Variants in AGRN observed in about 807,000 individuals in gnomAD.
AGRN encodes the protein agrin, also known as agrin proteoglycan.
Under a neutral mutation model 211.0 loss-of-function variants are expected in AGRN, and 106 were observed. The ratio of observed to expected loss-of-function variants is 0.50; its 90% CI spans 0.43 to 0.59. AGRN has a LOEUF of 0.59. AGRN is among the 20% of genes least tolerant of loss of function. The pLI, the probability that AGRN is intolerant of heterozygous loss-of-function variation, is 0.00. For missense variants in AGRN, 3,040 were observed against 2,982.6 expected, an observed-to-expected ratio of 1.02 and a Z score of -0.45; for synonymous variants, 1,525 against 1,332.5, an observed-to-expected ratio of 1.14 and a Z score of -3.15.
intron 1 of AGRN, among the ~76,000 whole-genome samples, chr1:1,020,950 G>A (rs1411513559): frequency 1.3e-5 from 2 of 151,590 alleles, no homozygotes; most frequent in African/African-American, 4.8e-5. Context: ...CGGGAACCGG[G>A]GCTCCCCACC....
chr1:1,044,847 G>A (rs1259370302), intron 12 of AGRN, among the ~76,000 whole-genome samples: 4 of 152,232 alleles, frequency 2.6e-5, no homozygotes, highest in African/African-American at 7.2e-5. Context: ...GGGTGAGAAC[G>A]CATGCTGACG....
rs1035065186 is a variant in AGRN, at chr1:1,052,195, A to G, written c.5651+380A>G. 4.2e-6 allele frequency: 3 copies of G among 711,322 alleles called. No individual in the cohort carries two copies. The African/African-American group carries it at 5.4e-5, about 13-fold the overall frequency. 44.1% of individuals were successfully genotyped at this position (711,322 alleles called of 1,614,324 possible). On this transcript the variant is annotated intron_variant, in intron 33 of 35. Coordinates refer to ENST00000379370, the MANE Select transcript of AGRN (RefSeq NM_198576.4). ...CCTCAGAAGTGCAGTCGCCCCTCCC[A>G]GGGCACAGGCCGAGGGTCGCCCCAC...
At chr1:1,045,034 G>A (rs1369260328) in intron 12 of AGRN, 127 bp from the exon 13 acceptor site, 5 of 1,006,992 alleles carry the variant, frequency 5.0e-6, no homozygotes, top group Non-Finnish European at 7.8e-6. Context: ...AGGCTCCCGG[G>A]CTCCTCTGGG....
chr1:1,023,977 C>T (rs903079619), intron 2 of AGRN, among the ~76,000 whole-genome samples: 22 of 152,260 alleles, frequency 1.4e-4, no homozygotes, highest in African/African-American at 5.3e-4. Flanking sequence ...CCGGGAGGGG[C>T]TGTGGCCACC....
rs548833305 is a variant in AGRN, at chr1:1,034,319, C to A, written c.464-958C>A. ...GTCCCTCCTCCGCCTACCTCGGAGCCCACATTTGGGATTTCTACTCCGGGA... is the reference window on the plus strand; with the variant it reads ...GTCCCTCCTCCGCCTACCTCGGAGCACACATTTGGGATTTCTACTCCGGGA... On this transcript the variant is annotated intron_variant, in intron 2 of 35. Transcript: ENST00000379370. The A allele has an allele frequency of 1.3e-4, 125 of 985,482 alleles. No individual in the cohort carries two copies. The East Asian group carries it at 7.9e-3, about 63-fold the overall frequency. The allele number at this position is 985,482 out of a possible 1,614,324, so 61.0% of individuals were successfully genotyped here.
chr1:1,046,764 G>C lies in AGRN; in HGVS notation c.3250+29G>C, dbSNP rs764223012. ...AGCAGGGATCAAGGACTTGGGGTGG[G>C]TGGGCAGGCGCCGAGAGGCTCCACC... is the stretch of plus-strand genomic sequence containing the variant. On this transcript the variant is annotated intron_variant, in intron 18 of 35. Transcript: ENST00000379370. 7.0e-6 allele frequency: 11 copies of C among 1,573,510 alleles called. No individual in the cohort carries two copies. The East Asian group carries it at 2.1e-4, about 29-fold the overall frequency.
chr1:1,041,469 G>C lies in AGRN; in HGVS notation c.953-9G>C, dbSNP rs1432299364. ...CGACAGCGTCCTGACTCCTGCCCTC[G>C]ACCCCCAGACCCCTGTCAGGGCGCC... On this transcript the variant is annotated splice_polypyrimidine_tract_variant and intron_variant, in intron 5 of 35. Transcript: ENST00000379370. 1 of 1,586,364 alleles carries C rather than the reference G, an allele frequency of 6.3e-7. No individual in the cohort carries two copies. Among genetic ancestry groups the C allele is most frequent in the Non-Finnish European group, 8.5e-7 (1 of 1,173,844 alleles).
rs544557398 is a variant in AGRN, at chr1:1,048,504, C to G, written c.4105+139C>G. ...GCGGGGTTTCGGCCAGATGCGGTGG[C>G]TCACGCCTGTAATCCCAGCACTTTG... On this transcript the variant is annotated intron_variant, in intron 23 of 35. Transcript: ENST00000379370. The surrounding 1 kb of genome is among the most constrained non-coding windows in gnomAD (Gnocchi z 5.9). 9.0e-4 allele frequency: 694 copies of G among 768,714 alleles called. 1 individual carries two copies. The highest frequency in any genetic ancestry group is 2.2e-3 in the Admixed American group (72 of 32,632). The allele number at this position is 768,714 out of a possible 1,614,324, so 47.6% of individuals were successfully genotyped here. A position where few individuals can be genotyped will look rare whatever the true frequency, so the allele number is the denominator to read the frequency against.
rs553295392 is a variant in AGRN, at chr1:1,022,204, C to G, written c.205C>G (p.Arg69Gly). Residue 69 changes from arginine to glycine, a missense_variant, in exon 2 of 36, where the codon CGG becomes GGG. Physicochemically the swap from Arg to Gly is moderately radical, Grantham distance 125. This residue lies in a region of AGRN where 1,498 missense variants were observed against 1,457.8 expected (regional missense o/e 1.03). Coordinates refer to ENST00000379370, the MANE Select transcript of AGRN (RefSeq NM_198576.4). ...PVQHTYSCKV[R>G]VWRYLKGKDL... ...CCTACCGCCATGTCCACCCCAGGTT[C>G]GGGTCTGGCGGTACTTGAAGGGCAA... The G allele has an allele frequency of 6.2e-7, 1 of 1,612,978 alleles. No homozygotes were observed. Among genetic ancestry groups the G allele is most frequent in the Admixed American group, 1.7e-5 (1 of 60,030 alleles).
In AGRN at chr1:1,050,906, C is replaced by T. The variant is rs55707163; in HGVS notation, c.5253+69C>T. The stretch of plus-strand genomic sequence containing the variant: ...CTTCCTCCTCGGGCGGCAGCCCCGC[C>T]CCTGCCGGCGCTCACGGAGCTGTTT... On this transcript the variant is annotated intron_variant, in intron 30 of 35. Transcript: ENST00000379370. 0.018 allele frequency: 26,838 copies of T among 1,527,790 alleles called. 1,271 individuals are homozygous for T. Among genetic ancestry groups the T allele is most frequent in the African/African-American group, 0.17 (12,103 of 72,762 alleles). 94.6% of individuals were successfully genotyped at this position (1,527,790 alleles called of 1,614,324 possible).
Position 1,035,295 on chromosome 1 carries a change from T to C in AGRN, c.482T>C (p.Phe161Ser), listed in dbSNP as rs1341345347. The C allele has an allele frequency of 6.2e-7, 1 of 1,613,060 alleles. No individual in the cohort carries two copies. Among genetic ancestry groups the C allele is most frequent in the South Asian group, 1.1e-5 (1 of 91,086 alleles). ...FCVEDKPGTHFTPVPPTPPDA... is the reference protein window; with the variant it reads ...FCVEDKPGTHSTPVPPTPPDA... ...CTTCCAGATAAACCCGGGACCCACTTCACTCCAGTGCCTCCGACGCCTCCT... is the reference window on the plus strand; with the variant it reads ...CTTCCAGATAAACCCGGGACCCACTCCACTCCAGTGCCTCCGACGCCTCCT... Residue 161 changes from phenylalanine (F) to serine (S), a missense_variant, in exon 3 of 36, where the codon TTC becomes TCC. Around this residue, in one of 3 missense-constraint regions of AGRN, gnomAD observed 1,498 missense variants for 1,457.8 expected, o/e 1.03. Transcript: ENST00000379370.
At chr1:1,035,672 C>T (rs1570173772) in intron 3 of AGRN, among the ~76,000 whole-genome samples, 1 of 152,330 alleles carries the variant, frequency 6.6e-6, no homozygotes, top group African/African-American at 2.4e-5. Flanking sequence ...CTATTGTCCT[C>T]CCTTCTCCCT....
intron 2 of AGRN, chr1:1,034,213 G>A: frequency 1.0e-6 from 1 of 985,298 alleles, no homozygotes; most frequent in Non-Finnish European, 1.2e-6. Context: ...GGCCTGCGCG[G>A]CTCCGGGGGC....
In AGRN at chr1:1,048,316, C is replaced by A. The variant is rs1299162026; in HGVS notation, c.4056C>A (p.Gly1352=). Residue 1352 remains glycine, a synonymous_variant, in exon 23 of 36, where the codon GGC becomes GGA. Transcript: ENST00000379370. The surrounding 1 kb of genome is among the most constrained non-coding windows in gnomAD (Gnocchi z 5.9). The part of the protein sequence containing the change: ...GTCQDWALGG[G]FTCSCPAGRG... ...GCCAGGACTGGGCATTGGGCGGGGG[C>A]TTCACCTGCAGCTGCCCGGCAGGCA... 6.7e-7 allele frequency: 1 copy of A among 1,486,810 alleles called. No homozygotes were observed. Among genetic ancestry groups the A allele is most frequent in the Non-Finnish European group, 9.0e-7 (1 of 1,114,786 alleles). The allele number at this position is 1,486,810 out of a possible 1,614,324, so 92.1% of individuals were successfully genotyped here.
intron 2 of AGRN, 43 bp from the exon 3 acceptor site, chr1:1,035,234 G>A (rs1378763966): frequency 6.2e-7 from 1 of 1,608,534 alleles, no homozygotes; most frequent in Non-Finnish European, 8.5e-7. Flanking sequence ...ACAGGGAGGA[G>A]CCTGCTCAGA....
intron 2 of AGRN, chr1:1,033,998 C>T: frequency 1.9e-6 from 1 of 515,844 alleles, no homozygotes; most frequent in Non-Finnish European, 2.5e-6. Context: ...CCCTCACTCA[C>T]CTCCCCAGCC....
rs746322262 is a variant in AGRN at position 1,043,407 on chromosome 1, C to T, written c.1553C>T (p.Thr518Met). 1.9e-5 allele frequency: 31 copies of T among 1,608,264 alleles called. No individual in the cohort carries two copies. Among genetic ancestry groups the T allele is most frequent in the Admixed American group, 5.1e-5 (3 of 59,252 alleles). ...TYGSACELEA[T>M]ACTLGREIQV... is the part of the protein sequence containing the mutation. ...GGCAGCGCGTGCGAGCTGGAGGCCA[C>T]GGCCTGTACCCTCGGGCGGGAGATC... The change falls in exon 8 of 36, where the codon ACG becomes ATG. Residue 518 changes from threonine to methionine, a missense_variant. By Grantham distance (81) the Thr-to-Met change is moderately conservative. This residue lies in a region of AGRN where 1,498 missense variants were observed against 1,457.8 expected (regional missense o/e 1.03). Coordinates refer to ENST00000379370, the MANE Select transcript of AGRN (RefSeq NM_198576.4).
At chr1:1,035,112 C>T (rs1433896960) in intron 2 of AGRN, 165 bp from the exon 3 acceptor site, 1 of 793,380 alleles carries the variant, frequency 1.3e-6, no homozygotes, top group Non-Finnish European at 2.1e-6. Context: ...CAGACCTCAG[C>T]CAGCCCATGG....
chr1:1,026,855 A>G (rs1343660437), intron 2 of AGRN, among the ~76,000 whole-genome samples: 1 of 152,174 alleles, frequency 6.6e-6, no homozygotes, highest in Non-Finnish European at 1.5e-5. Flanking sequence ...CTGGAGGAGG[A>G]GGCTCTGTAC....
Sources: gnomAD v4.1 joint callset for allele counts (sites outside exome capture counted in the v4.1 genomes callset) on GRCh38, gnomAD v4.1.1 for gene constraint, gnomAD v4.1.1 regional missense constraint, Gnocchi (gnomAD v3.1) non-coding constraint, MANE v1.5 for transcripts, NCBI Gene and HGNC (gene_info 2026-07-23, HGNC 2026-07-21) for gene names.